Variants in NRXN3 observed in about 807,000 individuals in gnomAD.
NRXN3 encodes the protein neurexin III.
NRXN3 carries 32 observed loss-of-function variants against 137.6 expected under a neutral mutation model. That is an observed-to-expected ratio of 0.23 (90% CI 0.18 to 0.31). The LOEUF (loss-of-function observed/expected upper bound fraction) is 0.31. Among genes scored for constraint, NRXN3 ranks in the 10% least tolerant of loss-of-function variants. The pLI is 1.00. For missense variants in NRXN3, 1,574 were observed against 2,062.5 expected (o/e 0.76, Z 4.59); for synonymous variants, 798 against 784.5 (o/e 1.02, Z -0.29).
intron 8 of NRXN3, among the ~76,000 whole-genome samples, chr14:78,773,777 A>T (rs1476339085): frequency 6.6e-6 from 1 of 151,920 alleles, no homozygotes; most frequent in African/African-American, 2.4e-5. Flanking sequence ...AATAATTCCT[A>T]TACTTTATTT....
chr14:78,794,360 T>TGACAGAGC (rs2098814742), intron 8 of NRXN3, among the ~76,000 whole-genome samples: 1 of 152,142 alleles, frequency 6.6e-6, no homozygotes, highest in Non-Finnish European at 1.5e-5. Flanking sequence ...CCCACCTGGG[T>TGACAGAGC]GACAGAGCGA....
chr14:79,540,257 G>A (rs532381439), intron 16 of NRXN3, among the ~76,000 whole-genome samples: 1 of 84,294 alleles, frequency 1.2e-5, no homozygotes, highest in East Asian at 3.2e-4. Context: ...ATTATGTGCT[G>A]GGTATTATGC....
At chr14:78,710,637 A>G (rs2098399264) in intron 7 of NRXN3, among the ~76,000 whole-genome samples, 1 of 152,148 alleles carries the variant, frequency 6.6e-6, no homozygotes, top group Admixed American at 6.5e-5. Flanking sequence ...CTCTATTTGG[A>G]TATTTTCTTT....
In NRXN3 at chr14:79,051,848, C is replaced by T. The variant is rs184427508; in HGVS notation, c.3262+63707C>T. Among the ~76,000 whole-genome samples, 559 of 152,244 alleles carry T rather than the reference C, an allele frequency of 3.7e-3. 3 individuals are homozygous for T. Among genetic ancestry groups the T allele is most frequent in the African/African-American group, 0.013 (535 of 41,538 alleles). ...CTGAAAACAAAACATTGCTGGAAGA[C>T]GGATATCGAACTTGACCTAAGATTT... On this transcript the variant is annotated intron_variant, in intron 15 of 20. Coordinates refer to ENST00000335750, the MANE Select transcript of NRXN3 (RefSeq NM_001330195.2).
chr14:79,046,606 C>CA (rs1451179245), intron 15 of NRXN3, among the ~76,000 whole-genome samples: 3 of 152,082 alleles, frequency 2.0e-5, no homozygotes, highest in Non-Finnish European at 2.9e-5. Flanking sequence ...TCTTGTAGTG[C>CA]AAAAAACATG....
chr14:78,387,676 G>T (rs998499367), intron 4 of NRXN3, among the ~76,000 whole-genome samples: 1 of 152,148 alleles, frequency 6.6e-6, no homozygotes, highest in African/African-American at 2.4e-5. Flanking sequence ...CTTCTTTCTT[G>T]CCATCTTCCA....
At chr14:79,213,935 G>C (rs10133387) in intron 15 of NRXN3, among the ~76,000 whole-genome samples, 51 of 152,128 alleles carry the variant, frequency 3.4e-4, no homozygotes, top group Non-Finnish European at 6.3e-4. Flanking sequence ...GATTCTAAGA[G>C]ATCAGTCATA....
intron 19 of NRXN3, among the ~76,000 whole-genome samples, chr14:79,721,534 T>C (rs2098844573): frequency 6.6e-6 from 1 of 152,066 alleles, no homozygotes; most frequent in South Asian, 2.1e-4. Flanking sequence ...AAATTGGAGG[T>C]AGGCCAGACA....
chr14:79,556,158 G>A (rs59093010), intron 16 of NRXN3, among the ~76,000 whole-genome samples: 26,303 of 151,986 alleles, frequency 0.17, 3,501 homozygotes, highest in African/African-American at 0.37. Flanking sequence ...TCATTAGGAG[G>A]GTGGGCCATT....
At chr14:78,767,461 A>C (rs899636601) in intron 8 of NRXN3, among the ~76,000 whole-genome samples, 3 of 152,378 alleles carry the variant, frequency 2.0e-5, no homozygotes, top group Middle Eastern at 6.8e-3. Context: ...GAAAGTGTGA[A>C]TATCAAGAGG....
intron 10 of NRXN3, 122 bp downstream of exon 10, chr14:78,810,466 G>A (rs372883211): frequency 2.8e-5 from 7 of 245,668 alleles, no homozygotes; most frequent in South Asian, 1.5e-4. Context: ...ACAATGGAGT[G>A]GGGGGGACCT....
intron 4 of NRXN3, among the ~76,000 whole-genome samples, chr14:78,568,991 A>G (rs2096863289): frequency 8.1e-6 from 1 of 123,384 alleles, no homozygotes; most frequent in South Asian, 2.4e-4. Flanking sequence ...TTTTTGAGAC[A>G]GGGTCTCATT....
At chr14:78,856,247 T>G (rs1047181429) in intron 10 of NRXN3, among the ~76,000 whole-genome samples, 1 of 152,224 alleles carries the variant, frequency 6.6e-6, no homozygotes, top group African/African-American at 2.4e-5. Flanking sequence ...TTTCTTACAC[T>G]GATAACAAGA....
rs2098718858 is a variant in NRXN3, at chr14:79,692,068, T to C, written c.3617-105T>C. 7.9e-6 allele frequency: 6 copies of C among 761,162 alleles called. No individual in the cohort carries two copies. In the South Asian group the frequency reaches 1.1e-4, roughly 15 times the overall value. 47.2% of individuals were successfully genotyped at this position (761,162 alleles called of 1,614,324 possible). On this transcript the variant is annotated intron_variant, in intron 17 of 20. Coordinates refer to ENST00000335750, the MANE Select transcript of NRXN3 (RefSeq NM_001330195.2). Reference sequence around the variant, plus strand: ...CACCTCTACTAAAGATAAATTGATATCTATCTCTAAAAACTTCATAAAACA... The same window carrying C: ...CACCTCTACTAAAGATAAATTGATACCTATCTCTAAAAACTTCATAAAACA...
At chr14:79,546,278 G>A (rs1174030229) in intron 16 of NRXN3, among the ~76,000 whole-genome samples, 2 of 152,114 alleles carry the variant, frequency 1.3e-5, no homozygotes, top group Non-Finnish European at 2.9e-5. Flanking sequence ...ATTCTGAAGT[G>A]GAGAAAATAC....
intron 19 of NRXN3, among the ~76,000 whole-genome samples, chr14:79,708,789 G>C (rs1156854513): frequency 6.6e-6 from 1 of 152,080 alleles, no homozygotes; most frequent in Admixed American, 6.6e-5. Context: ...TGATTTGTAA[G>C]GTTCTCCTTG....
intron 4 of NRXN3, among the ~76,000 whole-genome samples, chr14:78,567,861 C>A (rs1030641193): frequency 3.3e-5 from 5 of 152,136 alleles, no homozygotes; most frequent in African/African-American, 1.2e-4. Context: ...GAGAAGATGG[C>A]AGAATTCATC....
At chr14:79,749,357 C>G (rs2098989898) in intron 19 of NRXN3, among the ~76,000 whole-genome samples, 1 of 152,068 alleles carries the variant, frequency 6.6e-6, no homozygotes, top group Non-Finnish European at 1.5e-5. Flanking sequence ...TAGATAAATT[C>G]ATGTCAAACA....
At chr14:79,542,270 TTTG>T (rs1474123942) in intron 16 of NRXN3, among the ~76,000 whole-genome samples, 1 of 152,150 alleles carries the variant, frequency 6.6e-6, no homozygotes, top group Non-Finnish European at 1.5e-5. Flanking sequence ...AGGCTGCTCT[TTTG>T]TTTTGTTTTT....
Sources: gnomAD v4.1 joint callset for allele counts (sites outside exome capture counted in the v4.1 genomes callset) on GRCh38, gnomAD v4.1.1 for gene constraint, MANE v1.5 for transcripts, NCBI Gene and HGNC (gene_info 2026-07-23, HGNC 2026-07-21) for gene names.